Variants in MARK1 observed in about 807,000 individuals in gnomAD.
MARK1 encodes the protein serine/threonine-protein kinase MARK1.
In MARK1, 40 loss-of-function variants were observed where a neutral mutation model predicts 96.3. That is an observed-to-expected ratio of 0.42 (90% CI 0.32 to 0.54). The LOEUF (loss-of-function observed/expected upper bound fraction) is 0.54. MARK1 is among the 20% of genes least tolerant of loss of function. The pLI is 0.16. For missense variants in MARK1, 719 were observed against 984.6 expected (o/e 0.73, Z 3.61); for synonymous variants, 317 against 341.2 (o/e 0.93, Z 0.78).
At chr1:220,659,673 A>G (rs1669363222) in intron 17 of MARK1, among the ~76,000 whole-genome samples, 1 of 152,190 alleles carries the variant, frequency 6.6e-6, no homozygotes. Flanking sequence ...ATGCAGAAAA[A>G]TATTTCATTG....
intron 1 of MARK1, among the ~76,000 whole-genome samples, chr1:220,549,335 G>A (rs80251870): frequency 5.3e-5 from 8 of 152,210 alleles, no homozygotes; most frequent in Non-Finnish European, 7.4e-5. Flanking sequence ...CACATATAGC[G>A]CCCTTAGAAC....
chr1:220,554,583 C>T (rs1210228099), intron 1 of MARK1, among the ~76,000 whole-genome samples: 2 of 152,146 alleles, frequency 1.3e-5, no homozygotes, highest in Non-Finnish European at 2.9e-5. Flanking sequence ...AAATAGCCCC[C>T]AGGTAGGATA....
At position 220,653,206 on chromosome 1, in the gene MARK1, C is replaced by T. The variant is rs746393409; in HGVS notation, c.1842C>T (p.Phe614=). Residue 614 remains phenylalanine (F), a synonymous_variant, in exon 16 of 18, where the codon TTC becomes TTT. Transcript: ENST00000366917. ...GAGGGAGCTCAAGCCGAAGCACTTT[C>T]CATGGTGAACAGCTCCGGGAGCGAC... ...FPRGSSSRST[F]HGEQLRERRS... is the part of the protein sequence containing the mutation. 1 of 1,614,230 alleles carries T rather than the reference C, an allele frequency of 6.2e-7. No individual in the cohort carries two copies. Among genetic ancestry groups the T allele is most frequent in the Admixed American group, 1.7e-5 (1 of 60,020 alleles).
At position 220,649,091 on chromosome 1, in the gene MARK1, G is replaced by A. The variant is rs140427442; in HGVS notation, c.1471-1529G>A. Among the ~76,000 whole-genome samples the A allele has an allele frequency of 7.5e-4, 114 of 152,300 alleles. No individual in the cohort carries two copies. In the Middle Eastern group the frequency reaches 0.014, roughly 18 times the overall value. On this transcript the variant is annotated intron_variant, in intron 13 of 17. Coordinates refer to ENST00000366917, the MANE Select transcript of MARK1 (RefSeq NM_018650.5). ...AATGACATGTTAAATGGGAAAGCAG[G>A]TAATGAAACAATTTCTTTCAAACTG...
intron 5 of MARK1, among the ~76,000 whole-genome samples, chr1:220,602,953 C>T (rs1388504656): frequency 3.9e-5 from 6 of 152,012 alleles, no homozygotes; most frequent in Non-Finnish European, 8.8e-5. Context: ...TTAATCCTTA[C>T]AACAACCATG....
chr1:220,621,338 ATT>A (rs1667042971), intron 9 of MARK1, among the ~76,000 whole-genome samples: 1 of 152,118 alleles, frequency 6.6e-6, no homozygotes, highest in South Asian at 2.1e-4. Context: ...GTTTAGATAA[ATT>A]CTTCAGAGTG....
Position 220,652,210 on chromosome 1 carries a change from G to A in MARK1, c.1736+60G>A, listed in dbSNP as rs1439706224. 2.9e-6 allele frequency: 4 copies of A among 1,359,600 alleles called. No homozygotes were observed. In the African/African-American group the frequency reaches 5.7e-5, roughly 19 times the overall value. The allele number at this position is 1,359,600 out of a possible 1,614,324, so 84.2% of individuals were successfully genotyped here. ...AGAGTTTCTAAAAATATAGCACCAT[G>A]TGAAAATACATGATAGTCACCATCA... On this transcript the variant is annotated intron_variant, in intron 15 of 17. Transcript: ENST00000366917.
rs1365997442 is a variant in MARK1 at position 220,653,422 on chromosome 1, A to G, written c.1988+70A>G. ...TAAAGGAAACTAGACTTTTTAAAAA[A>G]ATCTTTATAATAATTTTCTAAAATG... On this transcript the variant is annotated intron_variant, in intron 16 of 17. Coordinates refer to ENST00000366917, the MANE Select transcript of MARK1 (RefSeq NM_018650.5). 20 of 1,444,960 alleles carry G rather than the reference A, an allele frequency of 1.4e-5. No individual in the cohort carries two copies. In the East Asian group the frequency reaches 3.7e-4, roughly 27 times the overall value. 89.5% of individuals were successfully genotyped at this position (1,444,960 alleles called of 1,614,324 possible). A position where few individuals can be genotyped will look rare whatever the true frequency, so the allele number is the denominator to read the frequency against.
intron 16 of MARK1, among the ~76,000 whole-genome samples, chr1:220,656,438 A>G (rs991460445): frequency 5.9e-5 from 9 of 152,324 alleles, no homozygotes; most frequent in African/African-American, 2.2e-4. Flanking sequence ...AATAAAGCAT[A>G]ATATAAATAG....
chr1:220,629,623 C>T (rs1382042195), intron 9 of MARK1, among the ~76,000 whole-genome samples: 1 of 152,056 alleles, frequency 6.6e-6, no homozygotes, highest in Non-Finnish European at 1.5e-5. Flanking sequence ...CCTCATCAGC[C>T]CCAGCAATCA....
chr1:220,640,349 T>A lies in MARK1; in HGVS notation c.1470+4323T>A, dbSNP rs550695434. 3.3e-4 allele frequency among the ~76,000 whole-genome samples: 50 copies of A among 152,364 alleles called. No individual in the cohort carries two copies. The South Asian group carries it at 0.01, about 32-fold the overall frequency. ...AATAGTAAAAGCTCTTGCTTATAAG[T>A]ATGATTCTATTGACAGTATTATTTA... On this transcript the variant is annotated intron_variant, in intron 13 of 17. Coordinates refer to ENST00000366917, the MANE Select transcript of MARK1 (RefSeq NM_018650.5).
Position 220,611,725 on chromosome 1 carries a change from A to T in MARK1, c.496-4214A>T, listed in dbSNP as rs183015974. 2.0e-5 allele frequency among the ~76,000 whole-genome samples: 3 copies of T among 151,864 alleles called. No homozygotes were observed. In the East Asian group the frequency reaches 5.8e-4, roughly 29 times the overall value. ...CGACATGTATTTATTTTATTTATTT[A>T]TTTTTTATTTTTATTTTATTTTTTT... On this transcript the variant is annotated intron_variant, in intron 6 of 17. Transcript: ENST00000366917.
At position 220,635,867 on chromosome 1, in the gene MARK1, C is replaced by G; in HGVS notation, c.1311C>G (p.Thr437=). The G allele has an allele frequency of 6.2e-7, 1 of 1,611,812 alleles. No individual in the cohort carries two copies. Among genetic ancestry groups the G allele is most frequent in the Non-Finnish European group, 8.5e-7 (1 of 1,179,280 alleles). The part of the protein sequence containing the change: ...GPSIPPAVSY[T]KRPQANSVES... ...CCATTCCTCCTGCTGTATCATATAC[C>G]AAAAGACCTCAGGCTAACAGTGTGG... The change falls in exon 13 of 18, where the codon ACC becomes ACG. Residue 437 remains threonine, a synonymous_variant. Transcript: ENST00000366917.
At chr1:220,564,840 A>T (rs1662927341) in intron 1 of MARK1, among the ~76,000 whole-genome samples, 1 of 151,894 alleles carries the variant, frequency 6.6e-6, no homozygotes, top group South Asian at 2.1e-4. Context: ...ACTTCATCTT[A>T]TTCCTGAAGT....
intron 1 of MARK1, among the ~76,000 whole-genome samples, chr1:220,568,786 C>T (rs1663235867): frequency 6.6e-6 from 1 of 152,114 alleles, no homozygotes; most frequent in Admixed American, 6.6e-5. Flanking sequence ...ACATACCATA[C>T]ATACATAACC....
At chr1:220,630,910 T>C (rs1033237997) in intron 9 of MARK1, 125 bp from the exon 10 acceptor site, 11 of 659,058 alleles carry the variant, frequency 1.7e-5, no homozygotes, top group Non-Finnish European at 2.9e-5. Context: ...GGCCCACTAA[T>C]CAAACTAGAA....
At chr1:220,587,329 T>C (rs867616916) in intron 3 of MARK1, among the ~76,000 whole-genome samples, 8 of 135,982 alleles carry the variant, frequency 5.9e-5, no homozygotes, top group East Asian at 4.4e-4. Flanking sequence ...CTCTCTTTCT[T>C]TCTCTCTCTC....
At chr1:220,626,970 C>A in intron 9 of MARK1, 1 of 514,452 alleles carries the variant, frequency 1.9e-6, no homozygotes, top group Non-Finnish European at 3.9e-6. Flanking sequence ...GCCCTGGATA[C>A]AGAGATCCCT....
At position 220,595,563 on chromosome 1, in the gene MARK1, T is replaced by C. The variant is rs546333855; in HGVS notation, c.310-2768T>C. Among the ~76,000 whole-genome samples, 10 of 152,338 alleles carry C rather than the reference T, an allele frequency of 6.6e-5. No individual in the cohort carries two copies. The South Asian group carries it at 2.1e-3, about 32-fold the overall frequency. On this transcript the variant is annotated intron_variant, in intron 3 of 17. Transcript: ENST00000366917. Reference sequence around the variant, plus strand: ...AGCAGACGAGGCTCAGAGTAGGCACTTGAGAGTCATGAGATAAGGCTAGAG... The same window carrying C: ...AGCAGACGAGGCTCAGAGTAGGCACCTGAGAGTCATGAGATAAGGCTAGAG...
Sources: gnomAD v4.1 joint callset for allele counts (sites outside exome capture counted in the v4.1 genomes callset) on GRCh38, gnomAD v4.1.1 for gene constraint, MANE v1.5 for transcripts, NCBI Gene and HGNC (gene_info 2026-07-23, HGNC 2026-07-21) for gene names.